Variants in SNX2 observed in about 807,000 individuals in gnomAD.
SNX2 encodes the protein sorting nexin-2.
In SNX2, 25 loss-of-function variants were observed where a neutral mutation model predicts 69.9. The observed-to-expected ratio is 0.36, with a 90% CI of 0.26 to 0.50. The LOEUF is 0.50. SNX2 is among the 20% of genes least tolerant of loss of function. The pLI is 0.97. For missense variants in SNX2, 551 were observed against 613.3 expected (o/e 0.90, Z 1.07); for synonymous variants, 229 against 200.4 (o/e 1.14, Z -1.20).
At chr5:122,813,106 C>T (rs1753817107) in intron 7 of SNX2, among the ~76,000 whole-genome samples, 1 of 152,098 alleles carries the variant, frequency 6.6e-6, no homozygotes, top group South Asian at 2.1e-4. Flanking sequence ...TTCTATTTCT[C>T]CCCATACCTC....
intron 6 of SNX2, among the ~76,000 whole-genome samples, chr5:122,805,589 C>T (rs76315421): frequency 0.015 from 2,264 of 151,728 alleles, 22 homozygotes; most frequent in Non-Finnish European, 0.019. Context: ...GGTTCTTTAA[C>T]TTTTTGGTCT....
intron 6 of SNX2, among the ~76,000 whole-genome samples, chr5:122,806,146 A>ACACACACACACACACACACACG (rs1753651509): frequency 1.9e-5 from 1 of 52,548 alleles, no homozygotes; most frequent in Admixed American, 2.4e-4. Flanking sequence ...GCGCGCGCAC[A>ACACACACACACACACACACACG]CACACACACA....
intron 14 of SNX2, among the ~76,000 whole-genome samples, chr5:122,828,683 A>G (rs1317663317): frequency 6.6e-6 from 1 of 152,210 alleles, no homozygotes; most frequent in Non-Finnish European, 1.5e-5. Context: ...ATTTTGCATA[A>G]AACAAAAAAT....
chr5:122,786,205 A>G (rs75898576), intron 1 of SNX2, among the ~76,000 whole-genome samples: 4,105 of 152,176 alleles, frequency 0.027, 93 homozygotes, highest in Non-Finnish European at 0.038. Flanking sequence ...TCTGCATGAC[A>G]TATCTTTTTT....
intron 6 of SNX2, among the ~76,000 whole-genome samples, chr5:122,806,094 A>ATGTGTGTGTGTGTGTGTGTGTG (rs147188322): frequency 8.0e-6 from 1 of 124,794 alleles, no homozygotes; most frequent in Admixed American, 8.2e-5. Context: ...TAAAACTTTT[A>ATGTGTGTGTGTGTGTGTGTGTG]TGTGTGTGTG....
At chr5:122,825,785 C>T (rs567786792) in intron 11 of SNX2, among the ~76,000 whole-genome samples, 1 of 151,998 alleles carries the variant, frequency 6.6e-6, no homozygotes, top group Non-Finnish European at 1.5e-5. Context: ...ATATTTAAAG[C>T]CCTAAAGGCT....
chr5:122,811,825 C>CTAAA (rs376912042), intron 7 of SNX2, among the ~76,000 whole-genome samples: 4,554 of 131,980 alleles, frequency 0.035, 96 homozygotes, highest in South Asian at 0.046. Context: ...GACTCCGTCT[C>CTAAA]TAAATAAATA....
chr5:122,802,867 G>A (rs998945546), intron 5 of SNX2, among the ~76,000 whole-genome samples: 2 of 152,190 alleles, frequency 1.3e-5, no homozygotes, highest in Non-Finnish European at 2.9e-5. Context: ...TGTAATGGGT[G>A]AGGAAGGAGA....
chr5:122,817,383 C>T lies in SNX2; in HGVS notation c.1006+10C>T. 1.3e-6 allele frequency: 2 copies of T among 1,589,292 alleles called. No homozygotes were observed. The highest frequency in any genetic ancestry group is 1.7e-6 in the Non-Finnish European group (2 of 1,158,520). On this transcript the variant is annotated intron_variant, in intron 10 of 14. Coordinates refer to ENST00000379516, the MANE Select transcript of SNX2 (RefSeq NM_003100.4). Reference sequence around the variant, plus strand: ...GTCTGTCATAGAAAAGGTTTGTTTGCCTTACTACTTACGTAGTTAGCACCA... The same window carrying T: ...GTCTGTCATAGAAAAGGTTTGTTTGTCTTACTACTTACGTAGTTAGCACCA...
At chr5:122,818,344 T>A (rs1438368107) in intron 10 of SNX2, among the ~76,000 whole-genome samples, 1 of 152,198 alleles carries the variant, frequency 6.6e-6, no homozygotes, top group African/African-American at 2.4e-5. Context: ...TTTATGTTAA[T>A]TGTGTATATA....
At chr5:122,813,126 C>T (rs1436842857) in intron 7 of SNX2, among the ~76,000 whole-genome samples, 1 of 152,192 alleles carries the variant, frequency 6.6e-6, no homozygotes, top group Admixed American at 6.5e-5. Context: ...CTTTTCCTGT[C>T]TTCTTCCTAC....
At chr5:122,791,945 A>T (rs1333073322) in intron 1 of SNX2, among the ~76,000 whole-genome samples, 1 of 152,242 alleles carries the variant, frequency 6.6e-6, no homozygotes, top group African/African-American at 2.4e-5. Context: ...AAATTATGAC[A>T]CAAGTAGGTA....
intron 2 of SNX2, among the ~76,000 whole-genome samples, chr5:122,797,626 A>G (rs1016234924): frequency 2.6e-5 from 4 of 152,212 alleles, no homozygotes; most frequent in Admixed American, 2.6e-4. Flanking sequence ...ATTGTCCAGT[A>G]ATGAGAAACC....
intron 1 of SNX2, among the ~76,000 whole-genome samples, chr5:122,776,370 G>A (rs1752856566): frequency 6.6e-6 from 1 of 152,012 alleles, no homozygotes; most frequent in African/African-American, 2.4e-5. Flanking sequence ...TAGGTTTTCT[G>A]CAGCTTAGTG....
intron 7 of SNX2, among the ~76,000 whole-genome samples, chr5:122,811,540 G>T (rs1430783867): frequency 1.3e-5 from 2 of 152,124 alleles, no homozygotes; most frequent in Non-Finnish European, 2.9e-5. Flanking sequence ...TCTTTAAAGT[G>T]TAAGTGTGAG....
At chr5:122,818,716 C>G (rs1179871429) in intron 10 of SNX2, 102 bp from the exon 11 acceptor site, 1 of 881,576 alleles carries the variant, frequency 1.1e-6, no homozygotes, top group Non-Finnish European at 1.7e-6. Context: ...ATTTGAGCAA[C>G]TTGTGCATAA....
At chr5:122,783,321 A>G (rs979294164) in intron 1 of SNX2, among the ~76,000 whole-genome samples, 3 of 152,136 alleles carry the variant, frequency 2.0e-5, no homozygotes, top group Non-Finnish European at 4.4e-5. Context: ...AAGGAAAGCT[A>G]TCTTTTCTTT....
At position 122,821,455 on chromosome 5, in the gene SNX2, C is replaced by CT. The variant is rs761842728; in HGVS notation, c.1212+2432_1212+2433insT. Among the ~76,000 whole-genome samples, 356 of 138,044 alleles carry CT rather than the reference C, an allele frequency of 2.6e-3. 12 individuals carry two copies. Among genetic ancestry groups the CT allele is most frequent in the African/African-American group, 3.3e-3 (123 of 36,746 alleles). 90.6% of individuals were successfully genotyped at this position (138,044 alleles called of 152,430 possible). A position where few individuals can be genotyped will look rare whatever the true frequency, so the allele number is the denominator to read the frequency against. Reference sequence around the variant, plus strand: ...TCTCCCTATCAACATAAGTAGATGTCCTTTTTTTTTTTTTTTCGCAGACGG... The same window carrying CT: ...TCTCCCTATCAACATAAGTAGATGTCTCTTTTTTTTTTTTTTTCGCAGACGG... On this transcript the variant is annotated intron_variant, in intron 11 of 14. Coordinates refer to ENST00000379516, the MANE Select transcript of SNX2 (RefSeq NM_003100.4).
intron 14 of SNX2, among the ~76,000 whole-genome samples, chr5:122,828,449 C>T (rs1169434746): frequency 1.3e-5 from 2 of 151,760 alleles, no homozygotes; most frequent in African/African-American, 2.4e-5. Context: ...TCAGTCTGTT[C>T]TCTGGACTAT....
Sources: gnomAD v4.1 joint callset for allele counts (sites outside exome capture counted in the v4.1 genomes callset) on GRCh38, gnomAD v4.1.1 for gene constraint, MANE v1.5 for transcripts, NCBI Gene and HGNC (gene_info 2026-07-23, HGNC 2026-07-21) for gene names.